HIRIP3: variants seen among roughly 807,000 people sequenced by gnomAD.
HIRIP3 encodes HIRA interacting protein 3.
A neutral mutation model predicts 50.3 loss-of-function variants in HIRIP3; 40 were observed. The ratio of observed to expected loss-of-function variants is 0.79; its 90% CI spans 0.62 to 1.03. The LOEUF is 1.03. HIRIP3 is among the 50% of genes least tolerant of loss of function. The probability of loss-of-function intolerance (pLI) is 0.00; values close to 1 mark genes in which losing one functional copy is unlikely to be tolerated. For synonymous variants in HIRIP3, 318 were observed against 261.6 expected, an observed-to-expected ratio of 1.22 and a Z score of -2.08; for missense variants, 765 against 705.4, an observed-to-expected ratio of 1.08 and a Z score of -0.96.
At chr16:29,994,984 C>G in intron 3 of HIRIP3, 119 bp downstream of exon 3, 1 of 1,475,538 alleles carries the variant, frequency 6.8e-7, no homozygotes, top group Non-Finnish European at 9.3e-7. Flanking sequence ...GTTCCCGGTT[C>G]CTGACTCACT....
intron 3 of HIRIP3, 78 bp from the exon 4 acceptor site, chr16:29,994,921 AGCCCT>A (rs1465489590): frequency 1.6e-5 from 25 of 1,519,726 alleles, no homozygotes; most frequent in African/African-American, 4.2e-5. Context: ...GGTTGCCTCG[AGCCCT>A]GCCCTGACAG....
Position 29,993,520 on chromosome 16 carries a change from C to A in HIRIP3, c.1446G>T (p.Glu482Asp). 1 of 1,613,962 alleles carries A rather than the reference C, an allele frequency of 6.2e-7. No homozygotes were observed. The highest frequency in any genetic ancestry group is 1.1e-5 in the South Asian group (1 of 91,090). The change falls in exon 6 of 7, where the codon GAG becomes GAT. Residue 482 changes from glutamate to aspartate, a missense_variant. Transcript: ENST00000279392. ...CCACCTCAGCTGCCTCCTCCCTCTG[C>A]TCCTTCAGGGCCCGACACTTCCCTA... is the stretch of plus-strand genomic sequence containing the variant. ...PSLGKCRALK[E>D]QREEAAEVAS...
rs2070049230 is a variant in HIRIP3 at position 29,994,736 on chromosome 16, T to C, written c.409A>G (p.Lys137Glu). 1 of 1,614,186 alleles carries C rather than the reference T, an allele frequency of 6.2e-7. No homozygotes were observed. The highest frequency in any genetic ancestry group is 1.1e-5 in the South Asian group (1 of 91,086). ...TCATCACTGCTCTCCTCAACTGCCT[T>C]TGAGGCTCGCCTTGGATTCTCCTCT... ...AKEENPRRASKAVEESSDEER... is the reference protein window; with the variant it reads ...AKEENPRRASEAVEESSDEER... Residue 137 changes from lysine (K) to glutamate (E), a missense_variant, in exon 4 of 7, where the codon AAG becomes GAG. Lys to Glu is a moderately conservative substitution (Grantham distance 56). Coordinates refer to ENST00000279392, the MANE Select transcript of HIRIP3 (RefSeq NM_003609.5).
rs765064154 is a variant in HIRIP3, at chr16:29,994,352, C to T, written c.793G>A (p.Gly265Ser). The T allele has an allele frequency of 6.2e-7, 1 of 1,614,162 alleles. No homozygotes were observed. Among genetic ancestry groups the T allele is most frequent in the South Asian group, 1.1e-5 (1 of 91,088 alleles). Residue 265 changes from glycine to serine, a missense_variant, in exon 4 of 7, where the codon GGC becomes AGC. Physicochemically the swap from Gly to Ser is moderately conservative, Grantham distance 56 (BLOSUM62 0). Coordinates refer to ENST00000279392, the MANE Select transcript of HIRIP3 (RefSeq NM_003609.5). ...GDWKPRTRSN[G>S]RRKSAREERS... ...TCCTCCCTAGCTGACTTTCTCCGGC[C>T]ATTGCTCCTGGTTCTGGGTTTCCAA...
In HIRIP3 at chr16:29,993,586, C is replaced by T. The variant is rs553327917; in HGVS notation, c.1409-29G>A. The T allele has an allele frequency of 2.4e-5, 39 of 1,611,914 alleles. 1 individual carries two copies. The South Asian group carries it at 4.1e-4, about 17-fold the overall frequency. On this transcript the variant is annotated intron_variant, in intron 5 of 6. Transcript: ENST00000279392. ...GGGCAGAAGAAGCTGGTGATTCTCT[C>T]CTCCCCAGCAGGAAGGCCCTCTCCT...
At position 29,995,393 on chromosome 16, in the gene HIRIP3, C is replaced by T; in HGVS notation, c.136G>A (p.Glu46Lys). ...ACCAGCCGCTTCAGTGCCTGCTTCTCCTCGGGCTCCAGGTGGCTGCGGCCC... is the reference window on the plus strand; with the variant it reads ...ACCAGCCGCTTCAGTGCCTGCTTCTTCTCGGGCTCCAGGTGGCTGCGGCCC... ...HSGRSHLEPEEKQALKRLVEE... is the reference protein window; with the variant it reads ...HSGRSHLEPEKKQALKRLVEE... The change falls in exon 2 of 7, where the codon GAG becomes AAG. Residue 46 changes from glutamate (E) to lysine (K), a missense_variant. Transcript: ENST00000279392. The T allele has an allele frequency of 3.7e-6, 6 of 1,613,582 alleles. No homozygotes were observed. Among genetic ancestry groups the T allele is most frequent in the Non-Finnish European group, 5.1e-6 (6 of 1,179,848 alleles).
At position 29,993,684 on chromosome 16, in the gene HIRIP3, C is replaced by T. The variant is rs771077091; in HGVS notation, c.1364G>A (p.Arg455His). Residue 455 changes from arginine to histidine, a missense_variant, in exon 5 of 7, where the codon CGC (arginine) becomes CAC (histidine). Physicochemically the swap from Arg to His is conservative, Grantham distance 29 (BLOSUM62 0). Coordinates refer to ENST00000279392, the MANE Select transcript of HIRIP3 (RefSeq NM_003609.5). ...CAGTTCTGCCCGGAGGATACTCAGG[C>T]GCTCCTTGTGTGAGCAACAGGAGCC... ...LLGSCCSHKE[R>H]LSILRAELEA... 12 of 1,610,686 alleles carry T rather than the reference C, an allele frequency of 7.5e-6. No homozygotes were observed. Among genetic ancestry groups the T allele is most frequent in the East Asian group, 2.2e-5 (1 of 44,894 alleles).
In HIRIP3 at chr16:29,994,515, C is replaced by G. The variant is rs770849284; in HGVS notation, c.630G>C (p.Lys210Asn). ...TTTTAGTTCCTTTATTTCCCTCCAC[C>G]TTCTTTGCTGTCCTCTGAACGGGTT... Reference protein sequence around the residue: ...EAEPVQRTAKKVEGNKGTKSL... With the variant: ...EAEPVQRTAKNVEGNKGTKSL... Residue 210 changes from lysine to asparagine, a missense_variant, in exon 4 of 7, where the codon AAG (lysine) becomes AAC (asparagine). Transcript: ENST00000279392. 2.8e-5 allele frequency: 45 copies of G among 1,614,030 alleles called. No homozygotes were observed. The highest frequency in any genetic ancestry group is 3.8e-5 in the Non-Finnish European group (45 of 1,180,038).
rs2070046456 is a variant in HIRIP3 at position 29,994,641 on chromosome 16, C to T, written c.504G>A (p.Lys168=). ...ESSEEEEKGY[K]GKTRKKPVVK... ...CCACAGGTTTCTTCCTAGTCTTCCC[C>T]TTGTACCCCTTTTCCTCCTCCTCAC... The change falls in exon 4 of 7, where the codon AAG becomes AAA. Residue 168 remains lysine (K), a synonymous_variant. Transcript: ENST00000279392. The T allele has an allele frequency of 1.2e-6, 2 of 1,614,130 alleles. No individual in the cohort carries two copies. Among genetic ancestry groups the T allele is most frequent in the Non-Finnish European group, 1.7e-6 (2 of 1,180,012 alleles).
At chr16:29,994,905 C>A in intron 3 of HIRIP3, 62 bp from the exon 4 acceptor site, 1 of 1,531,538 alleles carries the variant, frequency 6.5e-7, no homozygotes, top group Non-Finnish European at 8.8e-7. Flanking sequence ...CCCTTCACTT[C>A]GGATAGGTTG....
chr16:29,995,892 CCG>C (rs1430434776), upstream of HIRIP3: 1 of 577,818 alleles, frequency 1.7e-6, no homozygotes, highest in Non-Finnish European at 3.1e-6. Flanking sequence ...CCTAATCAGC[CCG>C]CGACGCTGCC....
At position 29,994,834 on chromosome 16, in the gene HIRIP3, G is replaced by A; in HGVS notation, c.311C>T (p.Ser104Phe). Residue 104 changes from serine to phenylalanine, a missense_variant, in exon 4 of 7, where the codon TCT (serine) becomes TTT (phenylalanine). By Grantham distance (155) the Ser-to-Phe change is radical. Transcript: ENST00000279392. ...FRFNSESESGSEASSPDYFGP... is the reference protein window; with the variant it reads ...FRFNSESESGFEASSPDYFGP... ...AAAGTAGTCTGGGCTGGAGGCTTCA[G>A]AGCCGGACTCTGGAATATGGAGAGG... 1.9e-6 allele frequency: 3 copies of A among 1,606,856 alleles called. No individual in the cohort carries two copies. The highest frequency in any genetic ancestry group is 1.7e-6 in the Non-Finnish European group (2 of 1,176,634).
Position 29,994,386 on chromosome 16 carries a change from T to G in HIRIP3, c.759A>C (p.Glu253Asp), listed in dbSNP as rs762940885. The G allele has an allele frequency of 2.5e-6, 4 of 1,613,848 alleles. No individual in the cohort carries two copies. The East Asian group carries it at 8.9e-5, about 36-fold the overall frequency. Residue 253 changes from glutamate to aspartate, a missense_variant, in exon 4 of 7, where the codon GAA becomes GAC. Physicochemically the swap from Glu to Asp is conservative, Grantham distance 45. Transcript: ENST00000279392. ...TGGTTCTGGGTTTCCAATCCCCCTT[T>G]TCCTCATCCTCTTCTTTCTCTTCCT... ...VEEEEKEEDE[E>D]KGDWKPRTRS... is the part of the protein sequence containing the mutation.
At position 29,993,304 on chromosome 16, in the gene HIRIP3, C is replaced by T. The variant is rs749570356; in HGVS notation, c.1574G>A (p.Arg525Gln). The T allele has an allele frequency of 6.5e-6, 10 of 1,541,644 alleles. No homozygotes were observed. The highest frequency in any genetic ancestry group is 1.8e-4 in the Middle Eastern group (1 of 5,714). ...GEAAPPGELY[R>Q]RTLDSDEERP... is the part of the protein sequence containing the mutation. ...CTCTTCATCTGAGTCCAGGGTCCGT[C>T]GGTACAGCTCCCCTGGGGGTGCTGC... The change falls in exon 7 of 7, where the codon CGA becomes CAA. Residue 525 changes from arginine (R) to glutamine (Q), a missense_variant. Transcript: ENST00000279392.
rs749233380 is a variant in HIRIP3, at chr16:29,993,219, G to A, written c.1659C>T (p.Gly553=). Residue 553 remains glycine (G), a synonymous_variant, in exon 7 of 7, where the codon GGC becomes GGT. Coordinates refer to ENST00000279392, the MANE Select transcript of HIRIP3 (RefSeq NM_003609.5). ...SHMRGIISSD[G]ESN ...GGGGTGGCAGAGCTCAGTTACTCTCGCCATCACTGCTGATGATGCCACGCA... is the reference window on the plus strand; with the variant it reads ...GGGGTGGCAGAGCTCAGTTACTCTCACCATCACTGCTGATGATGCCACGCA... 8 of 1,591,570 alleles carry A rather than the reference G, an allele frequency of 5.0e-6. No homozygotes were observed. The highest frequency in any genetic ancestry group is 4.3e-6 in the Non-Finnish European group (5 of 1,168,314).
At position 29,995,462 on chromosome 16, in the gene HIRIP3, T is replaced by G. The variant is rs2070071326; in HGVS notation, c.67A>C (p.Thr23Pro). The change falls in exon 2 of 7, where the codon ACG (threonine) becomes CCG (proline). Residue 23 changes from threonine (T) to proline (P), a missense_variant and splice_region_variant. Coordinates refer to ENST00000279392, the MANE Select transcript of HIRIP3 (RefSeq NM_003609.5). ...CGCCGCACGATGGAATGCGTAAGCG[T>G]GCTGCAGGGACATGGTGTCAGGACG... Reference protein sequence around the residue: ...SFFRGRPDLSTLTHSIVRRRY... With the variant: ...SFFRGRPDLSPLTHSIVRRRY... 1 of 1,613,500 alleles carries G rather than the reference T, an allele frequency of 6.2e-7. No homozygotes were observed. Among genetic ancestry groups the G allele is most frequent in the Non-Finnish European group, 8.5e-7 (1 of 1,179,740 alleles).
chr16:29,994,758 C>T lies in HIRIP3; in HGVS notation c.387G>A (p.Glu129=). ...GVAAEVSPAK[E]ENPRRASKAV... The stretch of plus-strand genomic sequence containing the variant: ...CCTTTGAGGCTCGCCTTGGATTCTC[C>T]TCTTTGGCTGGGCTGACTTCTGCTG... Residue 129 remains glutamate, a synonymous_variant, in exon 4 of 7, where the codon GAG becomes GAA. Transcript: ENST00000279392. 1 of 1,614,214 alleles carries T rather than the reference C, an allele frequency of 6.2e-7. No individual in the cohort carries two copies. Among genetic ancestry groups the T allele is most frequent in the Non-Finnish European group, 8.5e-7 (1 of 1,180,050 alleles).
In HIRIP3 at chr16:29,994,791, A is replaced by C. The variant is rs1555465998; in HGVS notation, c.354T>G (p.Asn118Lys). Residue 118 changes from asparagine to lysine, a missense_variant, in exon 4 of 7, where the codon AAT becomes AAG. Asn to Lys is a moderately conservative substitution (Grantham distance 94, BLOSUM62 0). Transcript: ENST00000279392. ...CTGGGCTGACTTCTGCTGCCACCCC[A>C]TTCTTTGCTGGGGGTCCAAAGTAGT... is the stretch of plus-strand genomic sequence containing the variant. Reference protein sequence around the residue: ...SPDYFGPPAKNGVAAEVSPAK... With the variant: ...SPDYFGPPAKKGVAAEVSPAK... 3 of 1,613,672 alleles carry C rather than the reference A, an allele frequency of 1.9e-6. No homozygotes were observed. The African/African-American group carries it at 4.0e-5, about 22-fold the overall frequency.
At position 29,995,164 on chromosome 16, in the gene HIRIP3, C is replaced by T; in HGVS notation, c.240G>A (p.Lys80=). 1 of 1,614,262 alleles carries T rather than the reference C, an allele frequency of 6.2e-7. No homozygotes were observed. Among genetic ancestry groups the T allele is most frequent in the South Asian group, 1.1e-5 (1 of 91,090 alleles). The change falls in exon 3 of 7, where the codon AAG becomes AAA. Residue 80 remains lysine, a synonymous_variant. Coordinates refer to ENST00000279392, the MANE Select transcript of HIRIP3 (RefSeq NM_003609.5). ...EDKLDLTKKG[K]RPPTPCSDPE... ...GGTCGCTACAAGGGGTGGGAGGCCT[C>T]TTGCCCTTCTTGGTAAGGTCCAGTT...
Sources: gnomAD v4.1 joint callset for allele counts on GRCh38, gnomAD v4.1.1 for gene constraint, MANE v1.5 for transcripts, NCBI Gene and HGNC (gene_info 2026-07-23, HGNC 2026-07-21) for gene names.